ABCG2: variants seen among roughly 807,000 people sequenced by gnomAD.
The protein encoded by ABCG2 is ATP binding cassette subfamily G member 2 (JR blood group).
A neutral mutation model predicts 73.5 loss-of-function variants in ABCG2; 80 were observed. The observed-to-expected ratio is 1.09, with a 90% confidence interval of 0.91 to 1.31. The LOEUF is 1.31. Among genes scored for constraint, ABCG2 ranks in the 50% most tolerant of loss-of-function variants. ABCG2 has a pLI of 0.00. For synonymous variants in ABCG2, 269 were observed against 282.4 expected, an observed-to-expected ratio of 0.95 and a Z score of 0.48; for missense variants, 796 against 786.2, an observed-to-expected ratio of 1.01 and a Z score of -0.15.
At chr4:88,174,680 C>T (rs148395514) in intron 1 of ABCG2, among the ~76,000 whole-genome samples, 42 of 152,336 alleles carry the variant, frequency 2.8e-4, no homozygotes, top group African/African-American at 7.7e-4. Flanking sequence ...GCGTGAGCCA[C>T]CATGCCCAGC....
intron 1 of ABCG2, among the ~76,000 whole-genome samples, chr4:88,158,114 A>G (rs45472191): frequency 3.9e-5 from 6 of 152,302 alleles, no homozygotes; most frequent in Non-Finnish European, 8.8e-5. Flanking sequence ...TTAATTTCAT[A>G]CATTTGGAGA....
chr4:88,179,947 G>C (rs1242092856), intron 1 of ABCG2, among the ~76,000 whole-genome samples: 1 of 152,104 alleles, frequency 6.6e-6, no homozygotes, highest in Non-Finnish European at 1.5e-5. Flanking sequence ...CTAGAACATA[G>C]CCTGAAAGGG....
upstream of ABCG2, among the ~76,000 whole-genome samples, chr4:88,160,479 T>C (rs972374601): frequency 6.6e-6 from 1 of 152,088 alleles, no homozygotes; most frequent in Admixed American, 6.5e-5. Context: ...GAAACTGATA[T>C]GAAGCACATT....
At chr4:88,191,984 A>G (rs941579336) in intron 1 of ABCG2, among the ~76,000 whole-genome samples, 1 of 152,084 alleles carries the variant, frequency 6.6e-6, no homozygotes, top group Admixed American at 6.6e-5. Flanking sequence ...CAGCCTGGGC[A>G]ACGTGGCAAA....
upstream of ABCG2, among the ~76,000 whole-genome samples, chr4:88,162,524 G>A (rs1170589200): frequency 6.6e-6 from 1 of 152,134 alleles, no homozygotes; most frequent in Non-Finnish European, 1.5e-5. Context: ...TTGGGAGGCA[G>A]TGGTAAATCA....
intron 1 of ABCG2, among the ~76,000 whole-genome samples, chr4:88,227,736 A>G (rs1730281516): frequency 6.6e-6 from 1 of 152,250 alleles, no homozygotes; most frequent in African/African-American, 2.4e-5. Context: ...ATGGAGACAA[A>G]GCTTAAGACA....
At chr4:88,219,794 T>G (rs923052455) in intron 1 of ABCG2, among the ~76,000 whole-genome samples, 1 of 151,070 alleles carries the variant, frequency 6.6e-6, no homozygotes, top group Non-Finnish European at 1.5e-5. Flanking sequence ...TTTCACCATG[T>G]TAGCCAGGAT....
chr4:88,207,355 T>C (rs1729418519), intron 1 of ABCG2, among the ~76,000 whole-genome samples: 1 of 152,140 alleles, frequency 6.6e-6, no homozygotes, highest in African/African-American at 2.4e-5. Flanking sequence ...CTCTGTAAAG[T>C]GGTATAATAT....
At chr4:88,123,362 C>T (rs1043537559) in intron 5 of ABCG2, among the ~76,000 whole-genome samples, 24 of 152,052 alleles carry the variant, frequency 1.6e-4, no homozygotes, top group African/African-American at 5.8e-4. Flanking sequence ...TAACAAACTC[C>T]TCCAAGCTAA....
intron 1 of ABCG2, 146 bp from the exon 2 acceptor site, chr4:88,140,160 T>C (rs1725533447): frequency 1.4e-6 from 1 of 704,446 alleles, no homozygotes. Flanking sequence ...ACCATTGTGA[T>C]AAGAACATCC....
chr4:88,143,362 T>C (rs1232067849), intron 1 of ABCG2, among the ~76,000 whole-genome samples: 1 of 152,172 alleles, frequency 6.6e-6, no homozygotes, highest in Non-Finnish European at 1.5e-5. Context: ...CCATCCCCAT[T>C]TGATGTTCCT....
chr4:88,099,605 A>G (rs985974767), intron 11 of ABCG2, among the ~76,000 whole-genome samples, 157 bp from the exon 12 acceptor site: 4 of 152,226 alleles, frequency 2.6e-5, no homozygotes, highest in African/African-American at 2.4e-5. Context: ...GCCCATGAAT[A>G]CCTTGGGTGC....
At chr4:88,158,862 G>C (rs1327949315), upstream of ABCG2, 1 of 333,894 alleles carries the variant, frequency 3.0e-6, no homozygotes, top group South Asian at 2.2e-5. Context: ...GCGCTGACAC[G>C]AACTTCCTAA....
chr4:88,095,391 G>T, intron 14 of ABCG2, 129 bp downstream of exon 14: 1 of 761,780 alleles, frequency 1.3e-6, no homozygotes, highest in Non-Finnish European at 2.2e-6. Flanking sequence ...CTCATTCCTT[G>T]CTCCTAAAAG....
At chr4:88,145,800 C>T (rs1003621470) in intron 1 of ABCG2, among the ~76,000 whole-genome samples, 1 of 150,372 alleles carries the variant, frequency 6.7e-6, no homozygotes, top group African/African-American at 2.4e-5. Context: ...ATTAGCCGGG[C>T]GTGGTGGTGT....
intron 1 of ABCG2, among the ~76,000 whole-genome samples, chr4:88,183,086 TAAAAAAAAAAAAA>T (rs57261009): frequency 4.4e-5 from 3 of 68,932 alleles, no homozygotes; most frequent in East Asian, 4.6e-4. Context: ...CTCCGTCTCA[TAAAAAAAAAAAAA>T]AAAAAAAAAA....
At chr4:88,167,370 CTTTT>C (rs551648302) in intron 1 of ABCG2, among the ~76,000 whole-genome samples, 2 of 101,440 alleles carry the variant, frequency 2.0e-5, no homozygotes. Context: ...TCCCTTCTGC[CTTTT>C]TTTTTTTTTT....
At chr4:88,104,442 A>C (rs1722638105) in intron 10 of ABCG2, among the ~76,000 whole-genome samples, 2 of 152,230 alleles carry the variant, frequency 1.3e-5, no homozygotes, top group Admixed American at 6.5e-5. Flanking sequence ...GAGGGATTAA[A>C]TCATATACAC....
intron 1 of ABCG2, among the ~76,000 whole-genome samples, chr4:88,176,344 C>T (rs1409073054): frequency 6.6e-6 from 1 of 151,710 alleles, no homozygotes; most frequent in African/African-American, 2.4e-5. Context: ...ATATCATTTC[C>T]TCCTCTCCTG....
Sources: allele counts gnomAD v4.1 joint callset (sites outside exome capture counted in the v4.1 genomes callset), GRCh38; gene constraint gnomAD v4.1.1; transcripts MANE v1.5; gene names NCBI Gene and HGNC (gene_info 2026-07-23, HGNC 2026-07-21).